Variants in PRDM8 observed in about 807,000 individuals in gnomAD.
PRDM8 encodes PR/SET domain 8, also known as PR domain zinc finger protein 8.
Under a neutral mutation model 46.5 loss-of-function variants are expected in PRDM8, and 13 were observed. That is an observed-to-expected ratio of 0.28 (90% CI 0.18 to 0.44). The LOEUF (loss-of-function observed/expected upper bound fraction) is 0.44. Ranked by LOEUF, PRDM8 falls within the 20% of genes least tolerant of loss-of-function variation. The probability of loss-of-function intolerance (pLI) is 1.00; values close to 1 mark genes in which losing one functional copy is unlikely to be tolerated. For synonymous variants in PRDM8, 473 were observed against 438.4 expected (o/e 1.08, Z -0.98); for missense variants, 998 against 955.0 (o/e 1.04, Z -0.59).
At chr4:80,192,577 G>A (rs1737634023), upstream of PRDM8, among the ~76,000 whole-genome samples, 1 of 152,220 alleles carries the variant, frequency 6.6e-6, no homozygotes, top group Middle Eastern at 3.2e-3. Flanking sequence ...GCTACAACCA[G>A]TCAACCCCCT....
chr4:80,194,484 T>G (rs1305013382), upstream of PRDM8, among the ~76,000 whole-genome samples: 2 of 152,256 alleles, frequency 1.3e-5, no homozygotes, highest in African/African-American at 4.8e-5. Context: ...TGTACCATTT[T>G]AGCCCATAAA....
Position 80,202,175 on chromosome 4 carries a change from C to G in PRDM8, c.713C>G (p.Ser238Cys). The change falls in exon 4 of 4, where the codon TCC becomes TGC. Residue 238 changes from serine to cysteine, a missense_variant. Physicochemically the swap from Ser to Cys is moderately radical, Grantham distance 112 (BLOSUM62 -1). Coordinates refer to ENST00000415738, the MANE Select transcript of PRDM8 (RefSeq NM_001099403.2). The part of the protein sequence containing the change: ...CKAGPLHHYP[S>C]PSPESSNPSA... ...GCCGGCCCCCTCCACCACTACCCAT[C>G]CCCCTCCCCGGAAAGCAGCAACCCA... 1 of 1,611,320 alleles carries G rather than the reference C, an allele frequency of 6.2e-7. No individual in the cohort carries two copies.
Position 80,202,206 on chromosome 4 carries a change from T to C in PRDM8, c.744T>C (p.Ala248=). 1 of 1,611,612 alleles carries C rather than the reference T, an allele frequency of 6.2e-7. No homozygotes were observed. Among genetic ancestry groups the C allele is most frequent in the Non-Finnish European group, 8.5e-7 (1 of 1,179,648 alleles). The change falls in exon 4 of 4, where the codon GCT becomes GCC. Residue 248 remains alanine, a synonymous_variant. Coordinates refer to ENST00000415738, the MANE Select transcript of PRDM8 (RefSeq NM_001099403.2). ...CCCCGGAAAGCAGCAACCCATCCGCTGCCGCCGGCGGCAGCAGCGCGAAGC... is the reference window on the plus strand; with the variant it reads ...CCCCGGAAAGCAGCAACCCATCCGCCGCCGCCGGCGGCAGCAGCGCGAAGC... ...SPSPESSNPS[A]AAGGSSAKPS...
At chr4:80,197,871 A>C (rs1738084600) in intron 1 of PRDM8, 108 bp downstream of exon 1, 1 of 902,856 alleles carries the variant, frequency 1.1e-6, no homozygotes, top group African/African-American at 1.8e-5. Flanking sequence ...GAGAGAGAAA[A>C]ATAATTCTTG....
Position 80,201,920 on chromosome 4 carries a change from C to T in PRDM8, c.458C>T (p.Ser153Phe). The T allele has an allele frequency of 6.2e-7, 1 of 1,613,772 alleles. No individual in the cohort carries two copies. Among genetic ancestry groups the T allele is most frequent in the Non-Finnish European group, 8.5e-7 (1 of 1,179,960 alleles). Residue 153 changes from serine (S) to phenylalanine (F), a missense_variant, in exon 4 of 4, where the codon TCC (serine) becomes TTC (phenylalanine). By Grantham distance (155) the Ser-to-Phe change is radical (BLOSUM62 -2). Transcript: ENST00000415738. Reference protein sequence around the residue: ...SRSHNKMNGSSPYTCLECSQR... With the variant: ...SRSHNKMNGSFPYTCLECSQR... Reference sequence around the variant, plus strand: ...GTGTTTGCTCACTAAGCAGGGTCGTCCCCTTACACATGCCTGGAATGCAGC... The same window carrying T: ...GTGTTTGCTCACTAAGCAGGGTCGTTCCCTTACACATGCCTGGAATGCAGC...
At position 80,203,121 on chromosome 4, in the gene PRDM8, G is replaced by C. The variant is rs961379038; in HGVS notation, c.1659G>C (p.Ala553=). The C allele has an allele frequency of 1.9e-5, 30 of 1,564,956 alleles. No individual in the cohort carries two copies. In the Admixed American group the frequency reaches 3.6e-4, roughly 19 times the overall value. ...TAGCGGTGAAGCTCCAGGGGGCCGC[G>C]GACCTGAACGGAGGTTGCGGGTCCC... ...DPLAVKLQGA[A]DLNGGCGSLP... The change falls in exon 4 of 4, where the codon GCG becomes GCC. Residue 553 remains alanine, a synonymous_variant. Coordinates refer to ENST00000415738, the MANE Select transcript of PRDM8 (RefSeq NM_001099403.2).
At position 80,197,593 on chromosome 4, in the gene PRDM8, C is replaced by A; in HGVS notation, c.-173C>A. ...CCTCCACCCCCCCAATCTTTTTCTC[C>A]CCATCTCTCCATCTCTCTCTTATCT... On this transcript the variant is annotated 5_prime_UTR_variant, in exon 1 of 4. Transcript: ENST00000415738. The A allele has an allele frequency of 1.0e-6, 1 of 954,950 alleles. No individual in the cohort carries two copies. Among genetic ancestry groups the A allele is most frequent in the Non-Finnish European group, 1.2e-6 (1 of 802,432 alleles). The allele number at this position is 954,950 out of a possible 1,614,324, so 59.2% of individuals were successfully genotyped here.
chr4:80,201,935 T>A lies in PRDM8; in HGVS notation c.473T>A (p.Leu158Gln), dbSNP rs1248973141. The change falls in exon 4 of 4, where the codon CTG becomes CAG. Residue 158 changes from leucine to glutamine, a missense_variant. Transcript: ENST00000415738. ...KMNGSSPYTC[L>Q]ECSQRFQFEF... Reference sequence around the variant, plus strand: ...GCAGGGTCGTCCCCTTACACATGCCTGGAATGCAGCCAACGTTTCCAGTTT... The same window carrying A: ...GCAGGGTCGTCCCCTTACACATGCCAGGAATGCAGCCAACGTTTCCAGTTT... 3.1e-6 allele frequency: 5 copies of A among 1,613,994 alleles called. No homozygotes were observed. Among genetic ancestry groups the A allele is most frequent in the Non-Finnish European group, 4.2e-6 (5 of 1,179,988 alleles).
In PRDM8 at chr4:80,197,600, C is replaced by T. The variant is rs1170041498; in HGVS notation, c.-166C>T. 2.3e-5 allele frequency: 22 copies of T among 946,816 alleles called. No individual in the cohort carries two copies. Among genetic ancestry groups the T allele is most frequent in the Non-Finnish European group, 2.5e-5 (20 of 797,782 alleles). The allele number at this position is 946,816 out of a possible 1,614,324, so 58.7% of individuals were successfully genotyped here. The stretch of plus-strand genomic sequence containing the variant: ...CCCCCCAATCTTTTTCTCCCCATCT[C>T]TCCATCTCTCTCTTATCTCTTCAGG... On this transcript the variant is annotated 5_prime_UTR_variant, in exon 1 of 4. Transcript: ENST00000415738.
chr4:80,191,895 T>C (rs550186855), intron 2 of PRDM8, among the ~76,000 whole-genome samples: 4 of 152,306 alleles, frequency 2.6e-5, no homozygotes, highest in East Asian at 1.9e-4. Flanking sequence ...GGAGCATAAT[T>C]TGTGAAGAAA....
At chr4:80,200,014 C>A in intron 1 of PRDM8, 65 bp from the exon 2 acceptor site, 1 of 1,347,036 alleles carries the variant, frequency 7.4e-7, no homozygotes, top group Non-Finnish European at 1.0e-6. Context: ...GACAGTTCTG[C>A]TTGGGTTAAT....
Position 80,202,715 on chromosome 4 carries a change from G to A in PRDM8, c.1253G>A (p.Gly418Asp). Residue 418 changes from glycine to aspartate, a missense_variant, in exon 4 of 4, where the codon GGC (glycine) becomes GAC (aspartate). Transcript: ENST00000415738. The stretch of plus-strand genomic sequence containing the variant: ...GCCTCCGAGGACCAGGACGCTGGCG[G>A]CGGCGGCGGCTCCTCCACGCCCGCG... ...GVASEDQDAGGGGGSSTPAAA... is the reference protein window; with the variant it reads ...GVASEDQDAGDGGGSSTPAAA... 7.6e-7 allele frequency: 1 copy of A among 1,318,394 alleles called. No homozygotes were observed. The highest frequency in any genetic ancestry group is 9.6e-7 in the Non-Finnish European group (1 of 1,039,622). The allele number at this position is 1,318,394 out of a possible 1,614,324, so 81.7% of individuals were successfully genotyped here.
chr4:80,186,662 C>T (rs1737114144), intron 1 of PRDM8, among the ~76,000 whole-genome samples: 1 of 152,220 alleles, frequency 6.6e-6, no homozygotes, highest in Non-Finnish European at 1.5e-5. Flanking sequence ...CTTTAGCTTT[C>T]AATTGAAAAC....
rs555566122 is a variant in PRDM8, at chr4:80,197,824, T to A, written c.-3+61T>A. 1,220 of 968,838 alleles carry A rather than the reference T, an allele frequency of 1.3e-3. 2 individuals are homozygous for A. Among genetic ancestry groups the A allele is most frequent in the Non-Finnish European group, 1.4e-3 (1,172 of 814,704 alleles). The allele number at this position is 968,838 out of a possible 1,614,324, so 60.0% of individuals were successfully genotyped here. A position where few individuals can be genotyped will look rare whatever the true frequency, so the allele number is the denominator to read the frequency against. On this transcript the variant is annotated intron_variant, in intron 1 of 3. Transcript: ENST00000415738. ...GAGGAAGACAGTTTGGTGGAAAGAG[T>A]AGAACATTTTGTCTTCCGTCTCCTT...
chr4:80,193,432 G>A (rs1406602002), upstream of PRDM8, among the ~76,000 whole-genome samples: 1 of 151,986 alleles, frequency 6.6e-6, no homozygotes, highest in Non-Finnish European at 1.5e-5. Context: ...AACCCCTCTG[G>A]GTCTTTTTAA....
upstream of PRDM8, among the ~76,000 whole-genome samples, chr4:80,192,966 A>G (rs1421715513): frequency 6.6e-6 from 1 of 152,220 alleles, no homozygotes; most frequent in Non-Finnish European, 1.5e-5. Flanking sequence ...GAACTCCAAC[A>G]CAAGTGTAAG....
In PRDM8 at chr4:80,202,837, G is replaced by A; in HGVS notation, c.1375G>A (p.Ala459Thr). The change falls in exon 4 of 4, where the codon GCC becomes ACC. Residue 459 changes from alanine to threonine, a missense_variant. Ala to Thr is a moderately conservative substitution (Grantham distance 58, BLOSUM62 0). Coordinates refer to ENST00000415738, the MANE Select transcript of PRDM8 (RefSeq NM_001099403.2). Reference sequence around the variant, plus strand: ...GGGCGGCAGTCCTGCGAGGGGCAGCGCCTTCACTTCGGTGCCGCAGCTGGG... The same window carrying A: ...GGGCGGCAGTCCTGCGAGGGGCAGCACCTTCACTTCGGTGCCGCAGCTGGG... Reference protein sequence around the residue: ...LEGGSPARGSAFTSVPQLGSA... With the variant: ...LEGGSPARGSTFTSVPQLGSA... 2 of 1,229,378 alleles carry A rather than the reference G, an allele frequency of 1.6e-6. No homozygotes were observed. The highest frequency in any genetic ancestry group is 3.8e-5 in the South Asian group (1 of 26,010). 76.2% of individuals were successfully genotyped at this position (1,229,378 alleles called of 1,614,324 possible).
chr4:80,193,452 A>G (rs187814593), upstream of PRDM8, among the ~76,000 whole-genome samples: 2 of 152,276 alleles, frequency 1.3e-5, no homozygotes, highest in Non-Finnish European at 2.9e-5. Context: ...AAAACCCACC[A>G]TGTATCTTTC....
chr4:80,191,420 T>C (rs1315204540), intron 1 of PRDM8: 1 of 151,804 alleles, frequency 6.6e-6, no homozygotes, highest in Non-Finnish European at 1.5e-5. Flanking sequence ...AGTTTTCCTT[T>C]AAACTTCCTT....
Sources: allele counts gnomAD v4.1 joint callset (sites outside exome capture counted in the v4.1 genomes callset), GRCh38; gene constraint gnomAD v4.1.1; transcripts MANE v1.5; gene names NCBI Gene and HGNC (gene_info 2026-07-23, HGNC 2026-07-21).